The following SNTG1 variants were observed in gnomAD, a reference collection of about 807,000 sequenced individuals.
SNTG1 encodes gamma-1-syntrophin.
Under a neutral mutation model 74.7 loss-of-function variants are expected in SNTG1, and 39 were observed. That is an observed-to-expected ratio of 0.52 (90% confidence interval 0.40 to 0.68). The LOEUF (loss-of-function observed/expected upper bound fraction) is 0.68. Among genes scored for constraint, SNTG1 ranks in the 30% least tolerant of loss-of-function variants. The pLI is 0.00. For synonymous variants in SNTG1, 254 were observed against 217.1 expected, an observed-to-expected ratio of 1.17 and a Z score of -1.49; for missense variants, 685 against 609.5, an observed-to-expected ratio of 1.12 and a Z score of -1.30.
intron 4 of SNTG1, among the ~76,000 whole-genome samples, chr8:50,435,863 G>A (rs1334261004): frequency 6.6e-6 from 1 of 152,098 alleles, no homozygotes; most frequent in African/African-American, 2.4e-5. Flanking sequence ...CAGCAGTTTT[G>A]TATTTGATTT....
chr8:50,658,680 G>A lies in SNTG1; in HGVS notation c.1038+17G>A. On this transcript the variant is annotated intron_variant, in intron 15 of 18. Coordinates refer to ENST00000642720, the MANE Select transcript of SNTG1 (RefSeq NM_018967.5). ...ATCCTCAAGGTATGATCAATATGTA[G>A]TCAGTATTTGAATGGCTTTTCCTCA... The A allele has an allele frequency of 6.3e-7, 1 of 1,581,448 alleles. No individual in the cohort carries two copies. Among genetic ancestry groups the A allele is most frequent in the South Asian group, 1.1e-5 (1 of 88,852 alleles).
intron 13 of SNTG1, among the ~76,000 whole-genome samples, chr8:50,628,868 C>T (rs189504992): frequency 2.6e-5 from 4 of 152,212 alleles, no homozygotes; most frequent in East Asian, 3.9e-4. Context: ...AACACAGTTA[C>T]CTATCAACAT....
At chr8:50,507,077 CTA>C (rs1295256088) in intron 9 of SNTG1, among the ~76,000 whole-genome samples, 1 of 151,532 alleles carries the variant, frequency 6.6e-6, no homozygotes, top group Non-Finnish European at 1.5e-5. Context: ...ACTGAGGTGT[CTA>C]TGTGGGATTT....
At chr8:49,917,766 G>A (rs1328878893) in intron 1 of SNTG1, among the ~76,000 whole-genome samples, 1 of 151,880 alleles carries the variant, frequency 6.6e-6, no homozygotes, top group East Asian at 1.9e-4. Context: ...ATATCTCTTT[G>A]CATAGATTGT....
chr8:50,033,706 C>T (rs527483241), intron 1 of SNTG1, among the ~76,000 whole-genome samples: 3 of 152,148 alleles, frequency 2.0e-5, no homozygotes, highest in South Asian at 2.1e-4. Flanking sequence ...CTAGTGTCAT[C>T]TTATTATTGT....
chr8:50,125,644 A>G (rs1222833460), intron 1 of SNTG1, among the ~76,000 whole-genome samples: 2 of 141,834 alleles, frequency 1.4e-5, no homozygotes, highest in Non-Finnish European at 3.1e-5. Context: ...GAACGGTGCG[A>G]GCTCTGTGGA....
At chr8:50,138,768 A>G (rs941513121) in intron 1 of SNTG1, among the ~76,000 whole-genome samples, 2 of 151,828 alleles carry the variant, frequency 1.3e-5, no homozygotes, top group Admixed American at 1.3e-4. Flanking sequence ...TTTCCCAATA[A>G]AATAGTTATC....
intron 2 of SNTG1, chr8:50,381,820 A>G (rs1224713292): frequency 7.2e-6 from 1 of 138,330 alleles, no homozygotes; most frequent in African/African-American, 2.7e-5. Flanking sequence ...AGCTATATAT[A>G]TAACATATAT....
intron 5 of SNTG1, among the ~76,000 whole-genome samples, chr8:50,446,631 T>A (rs1232449395): frequency 6.6e-6 from 1 of 151,958 alleles, no homozygotes; most frequent in East Asian, 1.9e-4. Context: ...TGAGTCAAGA[T>A]CATGCCATTG....
intron 1 of SNTG1, among the ~76,000 whole-genome samples, chr8:49,951,386 A>C (rs7814850): frequency 0.012 from 1,788 of 152,334 alleles, 35 homozygotes; most frequent in African/African-American, 0.04. Context: ...AAATTAGTCC[A>C]TTTTACTGCT....
chr8:50,126,832 A>C (rs1297916768), intron 1 of SNTG1, among the ~76,000 whole-genome samples: 1 of 152,092 alleles, frequency 6.6e-6, no homozygotes, highest in East Asian at 1.9e-4. Context: ...TAAAGGTCCA[A>C]GTCTGTATTG....
At chr8:50,284,017 AAC>A (rs2088621825) in intron 2 of SNTG1, among the ~76,000 whole-genome samples, 1 of 152,072 alleles carries the variant, frequency 6.6e-6, no homozygotes, top group East Asian at 1.9e-4. Flanking sequence ...TTCAGATTTT[AAC>A]TTAATGTTCT....
chr8:50,094,274 G>GA (rs369625912), intron 1 of SNTG1, among the ~76,000 whole-genome samples: 112 of 152,070 alleles, frequency 7.4e-4, no homozygotes, highest in African/African-American at 2.6e-3. Context: ...CCAATTCAGG[G>GA]AAAAAAGTTA....
chr8:50,332,318 A>G (rs2090995874), intron 2 of SNTG1, among the ~76,000 whole-genome samples: 1 of 152,304 alleles, frequency 6.6e-6, no homozygotes, highest in East Asian at 1.9e-4. Context: ...TTGGAGAGTT[A>G]AAAACTTATT....
In SNTG1 at chr8:50,743,154, A is replaced by G. The variant is rs571449245; in HGVS notation, c.1285-8847A>G. ...GGAATGCTTTGTAAGTCATTCTGTG[A>G]GGCCAACATTACCTTGACACCAAAG... On this transcript the variant is annotated intron_variant, in intron 17 of 18. Transcript: ENST00000642720. Among the ~76,000 whole-genome samples, 298 of 151,950 alleles carry G rather than the reference A, an allele frequency of 2.0e-3. 3 individuals carry two copies. Among genetic ancestry groups the G allele is most frequent in the African/African-American group, 7.0e-3 (292 of 41,520 alleles).
In SNTG1 at chr8:50,496,840, A is replaced by G. The variant is rs986300328; in HGVS notation, c.364-5938A>G. Among the ~76,000 whole-genome samples, 9 of 152,106 alleles carry G rather than the reference A, an allele frequency of 5.9e-5. 1 individual carries two copies. The highest frequency in any genetic ancestry group is 5.9e-4 in the Admixed American group (9 of 15,264). ...GAATTATGAAATGTGAGTGAAAGTAAAAAGGACAACTGGATTTATTGGTTA... is the reference window on the plus strand; with the variant it reads ...GAATTATGAAATGTGAGTGAAAGTAGAAAGGACAACTGGATTTATTGGTTA... On this transcript the variant is annotated intron_variant, in intron 8 of 18. Coordinates refer to ENST00000642720, the MANE Select transcript of SNTG1 (RefSeq NM_018967.5).
chr8:50,514,285 A>G (rs2094112680), intron 9 of SNTG1, among the ~76,000 whole-genome samples: 1 of 151,992 alleles, frequency 6.6e-6, no homozygotes, highest in African/African-American at 2.4e-5. Context: ...TAGTTTTTGA[A>G]TGGTAAAATT....
chr8:50,788,111 C>T (rs968753893), intron 18 of SNTG1, among the ~76,000 whole-genome samples: 6 of 151,988 alleles, frequency 3.9e-5, no homozygotes, highest in African/African-American at 1.4e-4. Flanking sequence ...ACCATAATGG[C>T]ATTAACAAGA....
chr8:50,306,537 T>TA (rs1477277202), intron 2 of SNTG1, among the ~76,000 whole-genome samples: 1 of 152,070 alleles, frequency 6.6e-6, no homozygotes, highest in East Asian at 1.9e-4. Context: ...GTTCCTTTTT[T>TA]ACCACATCCA....
Sources: allele counts gnomAD v4.1 joint callset (sites outside exome capture counted in the v4.1 genomes callset), GRCh38; gene constraint gnomAD v4.1.1; transcripts MANE v1.5; gene names NCBI Gene and HGNC (gene_info 2026-07-23, HGNC 2026-07-21).